KANK3: variants seen among roughly 807,000 people sequenced by gnomAD.
The protein encoded by KANK3 is KN motif and ankyrin repeat domains 3.
Under a neutral mutation model 65.4 loss-of-function variants are expected in KANK3, and 61 were observed. That is an observed-to-expected ratio of 0.93 (90% CI 0.76 to 1.15). KANK3 has a LOEUF of 1.15. KANK3 is among the 50% of genes most tolerant of loss of function. The pLI, the probability that KANK3 is intolerant of heterozygous loss-of-function variation, is 0.00. For synonymous variants in KANK3, 586 were observed against 543.3 expected, an observed-to-expected ratio of 1.08 and a Z score of -1.09; for missense variants, 1,187 against 1,178.8, an observed-to-expected ratio of 1.01 and a Z score of -0.10.
intron 4 of KANK3, 21 bp downstream of exon 4, chr19:8,334,299 C>T: frequency 6.2e-7 from 1 of 1,613,484 alleles, no homozygotes; most frequent in South Asian, 1.1e-5. Flanking sequence ...GAAGCTGCCA[C>T]AGGAGGGGAA....
At chr19:8,323,832 AAACATCCTGGCACTTGGCCATCAG>A (rs1396106567) in intron 10 of KANK3, among the ~76,000 whole-genome samples, 1 of 152,218 alleles carries the variant, frequency 6.6e-6, no homozygotes, top group Non-Finnish European at 1.5e-5. Context: ...GAAAGTGCTA[AAACATCCTGGCACTTGGCCATCAG>A]AGTATAGTGG....
intron 2 of KANK3, among the ~76,000 whole-genome samples, chr19:8,337,402 C>A (rs1236286296): frequency 6.6e-6 from 1 of 152,016 alleles, no homozygotes; most frequent in Non-Finnish European, 1.5e-5. Flanking sequence ...GGGATTTCAC[C>A]GTGTTAGCCA....
intron 7 of KANK3, among the ~76,000 whole-genome samples, 187 bp from the exon 8 acceptor site, chr19:8,325,283 C>A (rs1329721407): frequency 7.2e-6 from 1 of 138,400 alleles, no homozygotes; most frequent in East Asian, 2.1e-4. Flanking sequence ...AGTGAAGGAC[C>A]TTCCTGTTTC....
Position 8,333,125 on chromosome 19 carries a change from G to A in KANK3, c.1825C>T (p.Pro609Ser), listed in dbSNP as rs762288181. ...RMLEGVRRLG[P>S]ELLAHVVNLA... ...TTCACCACGTGCGCCAGCAGTTCGG[G>A]TCCCAGGCGCCTCACCCCTTCCAGC... The change falls in exon 7 of 11, where the codon CCC becomes TCC. Residue 609 changes from proline to serine, a missense_variant. Around this residue, in one of 3 missense-constraint regions of KANK3, gnomAD observed 1,078 missense variants for 1,038.2 expected, o/e 1.04. Coordinates refer to ENST00000330915, the MANE Select transcript of KANK3 (RefSeq NM_198471.3). The surrounding 1 kb of genome is among the most constrained non-coding windows in gnomAD (Gnocchi z 5.0). The A allele has an allele frequency of 4.3e-6, 7 of 1,613,054 alleles. No homozygotes were observed. Among genetic ancestry groups the A allele is most frequent in the Middle Eastern group, 1.7e-4 (1 of 6,056 alleles).
At position 8,335,249 on chromosome 19, in the gene KANK3, G is replaced by A. The variant is rs1970613965; in HGVS notation, c.578C>T (p.Ala193Val). ...CTCGAGCTCGCGCAGGCGCCGCAGC[G>A]CCGCGGCCATCTGCTCGCGCACCAG... is the stretch of plus-strand genomic sequence containing the variant. ...LQLVREQMAA[A>V]LRRLRELEDQ... is the part of the protein sequence containing the mutation. The change falls in exon 3 of 11, where the codon GCG becomes GTG. Residue 193 changes from alanine to valine, a missense_variant. Ala to Val is a moderately conservative substitution (Grantham distance 64). This residue lies in a region of KANK3 where 1,078 missense variants were observed against 1,038.2 expected (regional missense o/e 1.04). Transcript: ENST00000330915. 8.2e-7 allele frequency: 1 copy of A among 1,226,234 alleles called. No homozygotes were observed. Among genetic ancestry groups the A allele is most frequent in the Non-Finnish European group, 1.0e-6 (1 of 982,408 alleles). 76.0% of individuals were successfully genotyped at this position (1,226,234 alleles called of 1,614,324 possible). A position where few individuals can be genotyped will look rare whatever the true frequency, so the allele number is the denominator to read the frequency against.
At chr19:8,332,270 C>T (rs1488680540) in intron 7 of KANK3, among the ~76,000 whole-genome samples, 2 of 151,984 alleles carry the variant, frequency 1.3e-5, no homozygotes, top group Non-Finnish European at 2.9e-5. Context: ...CTCTGCCTCC[C>T]AGGTTCAAGC....
chr19:8,333,036 G>T lies in KANK3; in HGVS notation c.1914C>A (p.Ile638=). ...HYSVSHGNLA[I]ASLLLDTGAC... is the part of the protein sequence containing the mutation. ...GACCCGTATCCAGGAGCAGGCTTGCGATGGCCAGGTTCCCGTGGGACACAC... is the reference window on the plus strand; with the variant it reads ...GACCCGTATCCAGGAGCAGGCTTGCTATGGCCAGGTTCCCGTGGGACACAC... Residue 638 remains isoleucine, a synonymous_variant, in exon 7 of 11, where the codon ATC becomes ATA. Coordinates refer to ENST00000330915, the MANE Select transcript of KANK3 (RefSeq NM_198471.3). The surrounding 1 kb of genome is among the most constrained non-coding windows in gnomAD (Gnocchi z 5.0). 1 of 1,589,892 alleles carries T rather than the reference G, an allele frequency of 6.3e-7. No homozygotes were observed. The highest frequency in any genetic ancestry group is 8.6e-7 in the Non-Finnish European group (1 of 1,168,890).
At position 8,324,752 on chromosome 19, in the gene KANK3, C is replaced by T. The variant is rs142165107; in HGVS notation, c.2161G>A (p.Asp721Asn). 17 of 1,613,976 alleles carry T rather than the reference C, an allele frequency of 1.1e-5. No individual in the cohort carries two copies. The highest frequency in any genetic ancestry group is 2.7e-5 in the African/African-American group (2 of 74,952). ...MVATLLACGA[D>N]VNAQDADGAT... Reference sequence around the variant, plus strand: ...CCATCCGCATCCTGCGCATTCACATCAGCCCCACACGCCAGTAGGGTTGCC... The same window carrying T: ...CCATCCGCATCCTGCGCATTCACATTAGCCCCACACGCCAGTAGGGTTGCC... The change falls in exon 9 of 11, where the codon GAT becomes AAT. Residue 721 changes from aspartate (D) to asparagine (N), a missense_variant. Transcript: ENST00000330915.
chr19:8,323,378 G>A (rs1342917151), intron 10 of KANK3: 1 of 154,884 alleles, frequency 6.5e-6, no homozygotes, highest in Non-Finnish European at 1.5e-5. Context: ...AGCACACATT[G>A]CTTTTATGCT....
chr19:8,324,883 G>T, intron 8 of KANK3, 53 bp from the exon 9 acceptor site: 1 of 1,558,612 alleles, frequency 6.4e-7, no homozygotes, highest in Non-Finnish European at 8.7e-7. Flanking sequence ...AGGGAAGGGA[G>T]GTCACAGGTT....
intron 2 of KANK3, among the ~76,000 whole-genome samples, chr19:8,337,116 T>A (rs1386603749): frequency 6.6e-6 from 1 of 151,910 alleles, no homozygotes; most frequent in Non-Finnish European, 1.5e-5. Flanking sequence ...CATTGCAGCC[T>A]CTGCCTCCCA....
intron 7 of KANK3, among the ~76,000 whole-genome samples, chr19:8,325,324 A>C (rs1180197168): frequency 5.1e-5 from 2 of 39,070 alleles, no homozygotes; most frequent in East Asian, 1.1e-3. Context: ...TTTTTTTTTG[A>C]GACATAGTCT....
Position 8,334,860 on chromosome 19 carries a change from G to T in KANK3, c.967C>A (p.Arg323=). The change falls in exon 3 of 11, where the codon CGG becomes AGG. Residue 323 remains arginine (R), a synonymous_variant. Transcript: ENST00000330915. ...GGGGCAGCCTCCACGCCGGCCTCCC[G>T]GGTCTCCGGCACGGCCTGGGCACCC... ...EAGAQAVPET[R]EAGVEAAPET... 6.8e-7 allele frequency: 1 copy of T among 1,464,046 alleles called. No individual in the cohort carries two copies. Among genetic ancestry groups the T allele is most frequent in the Non-Finnish European group, 8.9e-7 (1 of 1,117,464 alleles). 90.7% of individuals were successfully genotyped at this position (1,464,046 alleles called of 1,614,324 possible). A position where few individuals can be genotyped will look rare whatever the true frequency, so the allele number is the denominator to read the frequency against.
intron 1 of KANK3, among the ~76,000 whole-genome samples, chr19:8,341,535 C>A (rs1970723347): frequency 6.6e-6 from 1 of 152,102 alleles, no homozygotes; most frequent in African/African-American, 2.4e-5. Context: ...CTCAGCCTCC[C>A]AAGCAGCTGG....
chr19:8,326,624 A>G (rs1300199291), intron 7 of KANK3, among the ~76,000 whole-genome samples: 3 of 133,568 alleles, frequency 2.2e-5, no homozygotes, highest in African/African-American at 8.8e-5. Context: ...CGTCTCTACT[A>G]AAAATACAAA....
chr19:8,324,082 AC>A (rs1008192019), intron 10 of KANK3, among the ~76,000 whole-genome samples: 1 of 152,152 alleles, frequency 6.6e-6, no homozygotes, highest in Non-Finnish European at 1.5e-5. Flanking sequence ...CAGTCTCATG[AC>A]CTGGGGTAGT....
At chr19:8,339,914 T>C (rs1303113560) in intron 1 of KANK3, among the ~76,000 whole-genome samples, 2 of 140,006 alleles carry the variant, frequency 1.4e-5, no homozygotes, top group Non-Finnish European at 3.0e-5. Flanking sequence ...CAGTGAGTTA[T>C]GATCATGCCA....
intron 7 of KANK3, among the ~76,000 whole-genome samples, chr19:8,327,933 T>C (rs928187984): frequency 6.6e-6 from 1 of 152,156 alleles, no homozygotes; most frequent in African/African-American, 2.4e-5. Flanking sequence ...CCCACCTATC[T>C]TCCTGCTCCC....
intron 7 of KANK3, 75 bp from the exon 8 acceptor site, chr19:8,325,171 G>C: frequency 6.7e-7 from 1 of 1,485,588 alleles, no homozygotes. Context: ...CTCCCTGCAA[G>C]CCTCGGGCAC....
Sources: allele counts gnomAD v4.1 joint callset (sites outside exome capture counted in the v4.1 genomes callset), GRCh38; gene constraint gnomAD v4.1.1; regional missense constraint gnomAD v4.1.1; non-coding constraint Gnocchi (gnomAD v3.1); transcripts MANE v1.5; gene names NCBI Gene and HGNC (gene_info 2026-07-23, HGNC 2026-07-21).